Variants in COMMD1 observed in about 807,000 individuals in gnomAD.
COMMD1 encodes the protein COMM domain-containing protein 1.
Under a neutral mutation model 17.2 loss-of-function variants are expected in COMMD1, and 10 were observed. The ratio of observed to expected loss-of-function variants is 0.58; its 90% CI spans 0.36 to 0.99. The LOEUF (loss-of-function observed/expected upper bound fraction) is 0.99, where lower values mean the gene tolerates loss of function less well. Ranked by LOEUF, COMMD1 falls within the 50% of genes least tolerant of loss-of-function variation. The probability of loss-of-function intolerance (pLI) is 0.01; values close to 1 mark genes in which losing one functional copy is unlikely to be tolerated. For synonymous variants in COMMD1, 97 were observed against 91.6 expected, an observed-to-expected ratio of 1.06 and a Z score of -0.34; for missense variants, 270 against 231.8, an observed-to-expected ratio of 1.17 and a Z score of -1.07.
chr2:61,944,155 T>C (rs1325300741), intron 1 of COMMD1, among the ~76,000 whole-genome samples: 2 of 152,002 alleles, frequency 1.3e-5, no homozygotes, highest in Non-Finnish European at 2.9e-5. Context: ...GAAGACTCTT[T>C]AGAATGCACC....
At chr2:62,094,318 G>A (rs1404835279) in intron 2 of COMMD1, among the ~76,000 whole-genome samples, 1 of 152,092 alleles carries the variant, frequency 6.6e-6, no homozygotes, top group Admixed American at 6.6e-5. Context: ...CACAGAGTTG[G>A]GGGCATAGAC....
chr2:61,952,253 T>C (rs1421630028), intron 1 of COMMD1, among the ~76,000 whole-genome samples: 1 of 152,198 alleles, frequency 6.6e-6, no homozygotes, highest in Non-Finnish European at 1.5e-5. Flanking sequence ...AAAACCACTT[T>C]TGTCAGACTA....
chr2:62,091,756 A>G (rs1671836049), intron 2 of COMMD1, among the ~76,000 whole-genome samples: 2 of 152,214 alleles, frequency 1.3e-5, no homozygotes. Context: ...CAGTTTATAC[A>G]GGAGGCAGCT....
intron 2 of COMMD1, among the ~76,000 whole-genome samples, chr2:62,011,846 C>T (rs937391626): frequency 6.6e-6 from 1 of 152,106 alleles, no homozygotes; most frequent in African/African-American, 2.4e-5. Context: ...TTTCCAACAT[C>T]GTAAACTCTG....
At chr2:61,938,225 A>G (rs1449915644) in intron 1 of COMMD1, among the ~76,000 whole-genome samples, 2 of 152,004 alleles carry the variant, frequency 1.3e-5, no homozygotes, top group Non-Finnish European at 2.9e-5. Flanking sequence ...TCAAACTGTT[A>G]ATTGACTGCA....
rs563540790 is a variant in COMMD1, at chr2:62,036,416, G to C, written c.462+35434G>C. On this transcript the variant is annotated intron_variant, in intron 2 of 2. Coordinates refer to ENST00000311832, the MANE Select transcript of COMMD1 (RefSeq NM_152516.4). ...GCTCACATGAGTAATTTGTAACATAGGCAAGGAGAAAACAAACTTACATTC... is the reference window on the plus strand; with the variant it reads ...GCTCACATGAGTAATTTGTAACATACGCAAGGAGAAAACAAACTTACATTC... Among the ~76,000 whole-genome samples the C allele has an allele frequency of 3.9e-5, 6 of 152,262 alleles. No homozygotes were observed. The East Asian group carries it at 9.6e-4, about 24-fold the overall frequency.
chr2:62,074,132 G>C (rs913760242), intron 2 of COMMD1, among the ~76,000 whole-genome samples: 1 of 152,180 alleles, frequency 6.6e-6, no homozygotes, highest in African/African-American at 2.4e-5. Context: ...TCTTCCTTTG[G>C]AATCAGGGCA....
intron 1 of COMMD1, among the ~76,000 whole-genome samples, chr2:61,991,296 G>C (rs1672248032): frequency 6.6e-6 from 1 of 152,182 alleles, no homozygotes; most frequent in African/African-American, 2.4e-5. Flanking sequence ...ATGTGTGTGA[G>C]AGAATTTTAT....
chr2:62,068,887 C>T (rs1027403201), intron 2 of COMMD1, among the ~76,000 whole-genome samples: 21 of 151,832 alleles, frequency 1.4e-4, no homozygotes, highest in Non-Finnish European at 2.4e-4. Flanking sequence ...GTGATTCACC[C>T]GCCTCGGCCT....
At chr2:61,965,063 G>A (rs1263623528) in intron 1 of COMMD1, among the ~76,000 whole-genome samples, 1 of 151,958 alleles carries the variant, frequency 6.6e-6, no homozygotes, top group Non-Finnish European at 1.5e-5. Flanking sequence ...AAGAATTGAG[G>A]GATTGAGCAC....
At chr2:62,056,941 G>A (rs1045856584) in intron 2 of COMMD1, among the ~76,000 whole-genome samples, 2 of 152,184 alleles carry the variant, frequency 1.3e-5, no homozygotes, top group Non-Finnish European at 2.9e-5. Context: ...TGCCACAAAT[G>A]CACTCAAAAG....
chr2:61,891,573 C>A (rs1408061297), intron 1 of COMMD1, among the ~76,000 whole-genome samples: 1 of 151,826 alleles, frequency 6.6e-6, no homozygotes, highest in African/African-American at 2.4e-5. Context: ...ACTAAAAATA[C>A]AAAAATTAGC....
At chr2:62,123,734 G>T (rs749460619) in intron 2 of COMMD1, among the ~76,000 whole-genome samples, 1 of 151,808 alleles carries the variant, frequency 6.6e-6, no homozygotes, top group Non-Finnish European at 1.5e-5. Context: ...TGCAGGGTTT[G>T]GTCCTACACC....
chr2:62,051,574 A>G (rs1670536691), intron 2 of COMMD1, among the ~76,000 whole-genome samples: 1 of 152,122 alleles, frequency 6.6e-6, no homozygotes, highest in Non-Finnish European at 1.5e-5. Flanking sequence ...TAATTTGACA[A>G]ATTTCTGAGG....
intron 2 of COMMD1, among the ~76,000 whole-genome samples, chr2:62,087,743 C>G (rs1307703895): frequency 1.3e-5 from 2 of 152,114 alleles, no homozygotes; most frequent in Non-Finnish European, 2.9e-5. Context: ...GTGAAACTCC[C>G]TCTCAAACAA....
intron 1 of COMMD1, among the ~76,000 whole-genome samples, chr2:61,983,579 G>C (rs758929565): frequency 6.6e-6 from 1 of 152,120 alleles, no homozygotes; most frequent in Non-Finnish European, 1.5e-5. Context: ...TTGGTTGGTT[G>C]TATGTGTCTA....
intron 1 of COMMD1, among the ~76,000 whole-genome samples, chr2:61,931,952 A>C (rs1430328966): frequency 6.6e-6 from 1 of 152,216 alleles, no homozygotes; most frequent in Non-Finnish European, 1.5e-5. Flanking sequence ...CAGGATTTCT[A>C]TCCCAGTTGT....
intron 1 of COMMD1, among the ~76,000 whole-genome samples, chr2:61,939,415 G>A (rs949526717): frequency 6.6e-6 from 1 of 151,366 alleles, no homozygotes; most frequent in Middle Eastern, 3.2e-3. Flanking sequence ...GCAGTGAGCC[G>A]AGATTGCGCC....
chr2:61,903,070 T>G (rs1384215257), upstream of COMMD1, among the ~76,000 whole-genome samples: 1 of 152,186 alleles, frequency 6.6e-6, no homozygotes, highest in Non-Finnish European at 1.5e-5. Flanking sequence ...AAGTTTGGTT[T>G]ACTTGGAGCC....
Sources: allele counts gnomAD v4.1 joint callset (sites outside exome capture counted in the v4.1 genomes callset), GRCh38; gene constraint gnomAD v4.1.1; transcripts MANE v1.5; gene names NCBI Gene and HGNC (gene_info 2026-07-23, HGNC 2026-07-21).